The following CFAP54 variants were observed in gnomAD, a reference collection of about 807,000 sequenced individuals.
CFAP54 encodes the protein cilia and flagella associated protein 54.
CFAP54 carries 290 observed loss-of-function variants against 370.4 expected under a neutral mutation model. That is an observed-to-expected ratio of 0.78 (90% confidence interval 0.71 to 0.86). The LOEUF (loss-of-function observed/expected upper bound fraction) is 0.86. CFAP54 is among the 40% of genes least tolerant of loss of function. CFAP54 has a pLI of 0.00. For synonymous variants in CFAP54, 1,206 were observed against 1,236.5 expected, an observed-to-expected ratio of 0.98 and a Z score of 0.52; for missense variants, 3,399 against 3,528.7, an observed-to-expected ratio of 0.96 and a Z score of 0.93.
chr12:96,758,095 A>C lies in CFAP54; in HGVS notation c.8040+507A>C, dbSNP rs374765124. On this transcript the variant is annotated intron_variant, in intron 58 of 67. Coordinates refer to ENST00000524981, the MANE Select transcript of CFAP54 (RefSeq NM_001306084.2). ...GGTACTCTCATAGAGGAAGATGTTAAAGCAGTGTCTAAAACAAACTTGGTC... is the reference window on the plus strand; with the variant it reads ...GGTACTCTCATAGAGGAAGATGTTACAGCAGTGTCTAAAACAAACTTGGTC... 1.3e-4 allele frequency among the ~76,000 whole-genome samples: 20 copies of C among 152,314 alleles called. No individual in the cohort carries two copies. In the East Asian group the frequency reaches 2.7e-3, roughly 21 times the overall value.
At chr12:96,825,327 A>G (rs1490234705) in intron 65 of CFAP54, among the ~76,000 whole-genome samples, 3 of 125,630 alleles carry the variant, frequency 2.4e-5, no homozygotes, top group South Asian at 4.5e-4. Flanking sequence ...TATATATTAT[A>G]TAACATGTTA....
At chr12:96,700,209 T>A in intron 46 of CFAP54, 116 bp downstream of exon 46, 1 of 1,163,158 alleles carries the variant, frequency 8.6e-7, no homozygotes, top group Non-Finnish European at 1.2e-6. Context: ...TAGCCCTCTT[T>A]GTTAAGCCTG....
chr12:96,792,538 A>G, intron 63 of CFAP54, 39 bp downstream of exon 63: 7 of 1,451,580 alleles, frequency 4.8e-6, no homozygotes, highest in Non-Finnish European at 6.4e-6. Context: ...TTTCATTTAT[A>G]TATAAAGCTT....
chr12:96,523,033 C>T (rs1443934262), intron 8 of CFAP54, among the ~76,000 whole-genome samples: 1 of 152,142 alleles, frequency 6.6e-6, no homozygotes, highest in Non-Finnish European at 1.5e-5. Flanking sequence ...TTCCCTTTGC[C>T]TTCCTGACTC....
rs766865013 is a variant in CFAP54, at chr12:96,657,835, G to C, written c.5101-47G>C. The C allele has an allele frequency of 9.1e-6, 12 of 1,314,522 alleles. No individual in the cohort carries two copies. In the South Asian group the frequency reaches 1.5e-4, roughly 17 times the overall value. The allele number at this position is 1,314,522 out of a possible 1,614,324, so 81.4% of individuals were successfully genotyped here. A position where few individuals can be genotyped will look rare whatever the true frequency, so the allele number is the denominator to read the frequency against. On this transcript the variant is annotated intron_variant, in intron 36 of 67. Coordinates refer to ENST00000524981, the MANE Select transcript of CFAP54 (RefSeq NM_001306084.2). ...ATTCAGTTTTCAGAAAAAATATGCA[G>C]TAAAATCTGAAATTACACATTTTTT...
intron 65 of CFAP54, among the ~76,000 whole-genome samples, chr12:96,825,050 G>A (rs193038699): frequency 1.0e-4 from 15 of 149,662 alleles, no homozygotes; most frequent in Admixed American, 2.0e-4. Context: ...CACCCTACGC[G>A]CCCCACAATG....
chr12:96,655,469 T>C (rs1384831960), intron 36 of CFAP54, among the ~76,000 whole-genome samples: 1 of 152,182 alleles, frequency 6.6e-6, no homozygotes, highest in Admixed American at 6.5e-5. Flanking sequence ...TAATTCTTAA[T>C]GAATGAATTG....
At position 96,623,792 on chromosome 12, in the gene CFAP54, C is replaced by CT; in HGVS notation, c.3798dup (p.Lys1267Ter). Reference sequence around the variant, plus strand: ...GATTCTTCTAAGAAGTCTTTAAAGACTAAGAAGCCACAGCAGATACTACTG... The same window carrying CT: ...GATTCTTCTAAGAAGTCTTTAAAGACTTAAGAAGCCACAGCAGATACTACTG... On this transcript the variant is annotated frameshift_variant, in exon 28 of 68. Transcript: ENST00000524981. LOFTEE classifies it high-confidence loss of function. 1 of 1,534,244 alleles carries CT rather than the reference C, an allele frequency of 6.5e-7. No individual in the cohort carries two copies. The highest frequency in any genetic ancestry group is 1.4e-5 in the African/African-American group (1 of 73,100).
At chr12:96,523,916 G>A (rs866293459) in intron 8 of CFAP54, among the ~76,000 whole-genome samples, 1,469 of 117,504 alleles carry the variant, frequency 0.013, 29 homozygotes, top group African/African-American at 0.051. Flanking sequence ...AAAAGTTCTG[G>A]TGATTTTTTT....
chr12:96,779,021 C>G (rs34466), intron 60 of CFAP54, among the ~76,000 whole-genome samples: 22,354 of 150,372 alleles, frequency 0.15, 2,014 homozygotes, highest in Middle Eastern at 0.27. Context: ...GCAGGAGAAT[C>G]TCTTGGACCC....
intron 51 of CFAP54, among the ~76,000 whole-genome samples, chr12:96,741,242 C>A (rs1473164562): frequency 6.6e-6 from 1 of 152,114 alleles, no homozygotes; most frequent in Non-Finnish European, 1.5e-5. Flanking sequence ...TGTCGGCTTA[C>A]TGCAACCTCT....
intron 30 of CFAP54, among the ~76,000 whole-genome samples, chr12:96,627,897 TTAAGAA>T (rs1345575518): frequency 6.6e-6 from 1 of 152,226 alleles, no homozygotes; most frequent in Non-Finnish European, 1.5e-5. Context: ...GAAGTCTAAC[TTAAGAA>T]TAAGAGATAT....
At chr12:96,829,889 C>A (rs924272982) in intron 66 of CFAP54, among the ~76,000 whole-genome samples, 2 of 152,082 alleles carry the variant, frequency 1.3e-5, no homozygotes, top group African/African-American at 4.8e-5. Context: ...TCCTCCCCCA[C>A]CACCCCAGCT....
At chr12:96,775,835 C>T (rs968109506) in intron 60 of CFAP54, among the ~76,000 whole-genome samples, 4 of 152,136 alleles carry the variant, frequency 2.6e-5, no homozygotes, top group African/African-American at 9.7e-5. Context: ...ACAAATATTG[C>T]TTTCTTTTGG....
At position 96,651,830 on chromosome 12, in the gene CFAP54, G is replaced by A. The variant is rs1199721279; in HGVS notation, c.5100+15G>A. The A allele has an allele frequency of 1.4e-6, 2 of 1,480,854 alleles. No individual in the cohort carries two copies. The highest frequency in any genetic ancestry group is 2.3e-5 in the South Asian group (2 of 85,996). The allele number at this position is 1,480,854 out of a possible 1,614,324, so 91.7% of individuals were successfully genotyped here. On this transcript the variant is annotated intron_variant, in intron 36 of 67. Transcript: ENST00000524981. ...GTTCTATTAAGGTAAAGACACTTTG[G>A]TAATTATTTTTATTATATTCAGTTA...
At chr12:96,669,886 T>C (rs1957124894) in intron 39 of CFAP54, among the ~76,000 whole-genome samples, 1 of 151,954 alleles carries the variant, frequency 6.6e-6, no homozygotes, top group Admixed American at 6.6e-5. Flanking sequence ...CCAGGGAGAG[T>C]TACATGGAGC....
chr12:96,704,480 ATATATATATATATATATATATT>A (rs1957526655), intron 46 of CFAP54, among the ~76,000 whole-genome samples: 1 of 117,140 alleles, frequency 8.5e-6, no homozygotes, highest in Admixed American at 8.2e-5. Context: ...ATATATATAT[ATATATATATATATATATATATT>A]TAAAATACAT....
At position 96,817,887 on chromosome 12, in the gene CFAP54, G is replaced by A; in HGVS notation, c.9070G>A (p.Glu3024Lys). The change falls in exon 65 of 68, where the codon GAG (glutamate) becomes AAG (lysine). Residue 3024 changes from glutamate (E) to lysine (K), a missense_variant. This residue lies in a region of CFAP54 where 2,796 missense variants were observed against 2,869.7 expected (regional missense o/e 0.97). Transcript: ENST00000524981. ...NENIYEVEVE[E>K]ESVDNEMEDM... is the part of the protein sequence containing the mutation. ...AAACATATATGAAGTAGAAGTGGAAGAGGAATCAGTTGATAATGAAATGGA... is the reference window on the plus strand; with the variant it reads ...AAACATATATGAAGTAGAAGTGGAAAAGGAATCAGTTGATAATGAAATGGA... 1 of 1,499,330 alleles carries A rather than the reference G, an allele frequency of 6.7e-7. No individual in the cohort carries two copies. Among genetic ancestry groups the A allele is most frequent in the Non-Finnish European group, 8.9e-7 (1 of 1,128,708 alleles). The allele number at this position is 1,499,330 out of a possible 1,614,324, so 92.9% of individuals were successfully genotyped here. A position where few individuals can be genotyped will look rare whatever the true frequency, so the allele number is the denominator to read the frequency against.
intron 60 of CFAP54, among the ~76,000 whole-genome samples, chr12:96,776,644 T>C (rs937929792): frequency 1.3e-5 from 2 of 152,218 alleles, no homozygotes; most frequent in African/African-American, 2.4e-5. Context: ...ATAGTCTTCT[T>C]TGAAACTAAA....
Sources: allele counts gnomAD v4.1 joint callset (sites outside exome capture counted in the v4.1 genomes callset), GRCh38; gene constraint gnomAD v4.1.1; regional missense constraint gnomAD v4.1.1; transcripts MANE v1.5; gene names NCBI Gene and HGNC (gene_info 2026-07-23, HGNC 2026-07-21).